Variants in CSMD3 observed in about 807,000 individuals in gnomAD.
The protein encoded by CSMD3 is CUB and Sushi multiple domains 3, also known as CUB and sushi domain-containing protein 3.
A neutral mutation model predicts 435.2 loss-of-function variants in CSMD3; 177 were observed. That is an observed-to-expected ratio of 0.41 (90% CI 0.36 to 0.46). The LOEUF is 0.46. CSMD3 is among the 20% of genes least tolerant of loss of function. The pLI, the probability that CSMD3 is intolerant of heterozygous loss-of-function variation, is 0.34. For missense variants in CSMD3, 4,265 were observed against 4,504.6 expected (o/e 0.95, Z 1.52); for synonymous variants, 1,656 against 1,520.5 (o/e 1.09, Z -2.07).
At chr8:113,427,217 A>G (rs2094640879) in intron 1 of CSMD3, among the ~76,000 whole-genome samples, 1 of 151,480 alleles carries the variant, frequency 6.6e-6, no homozygotes, top group Admixed American at 6.6e-5. Flanking sequence ...AGAAAATGTA[A>G]TGCTAAATTT....
At chr8:113,168,654 T>C (rs182617788) in intron 4 of CSMD3, among the ~76,000 whole-genome samples, 15 of 151,894 alleles carry the variant, frequency 9.9e-5, no homozygotes, top group African/African-American at 3.4e-4. Flanking sequence ...TATATTTTCA[T>C]TTTGGCGAAG....
intron 6 of CSMD3, among the ~76,000 whole-genome samples, chr8:112,989,170 G>T (rs967289998): frequency 6.6e-6 from 1 of 151,930 alleles, no homozygotes; most frequent in African/African-American, 2.4e-5. Flanking sequence ...AAAACAGCAG[G>T]TAGTGAAACA....
intron 9 of CSMD3, among the ~76,000 whole-genome samples, chr8:112,922,821 G>C (rs1051632435): frequency 6.6e-6 from 1 of 152,050 alleles, no homozygotes; most frequent in Non-Finnish European, 1.5e-5. Flanking sequence ...TAACCAAAGA[G>C]AGATTATATT....
chr8:112,662,877 A>G (rs2075421671), intron 17 of CSMD3, among the ~76,000 whole-genome samples: 1 of 152,200 alleles, frequency 6.6e-6, no homozygotes, highest in Non-Finnish European at 1.5e-5. Flanking sequence ...ATGAACAGAC[A>G]CTTCTCAAAA....
At chr8:113,295,649 T>C (rs1326085818) in intron 2 of CSMD3, among the ~76,000 whole-genome samples, 1 of 152,180 alleles carries the variant, frequency 6.6e-6, no homozygotes, top group East Asian at 1.9e-4. Flanking sequence ...CCTCGCACTT[T>C]GCAAGGCCCA....
intron 18 of CSMD3, among the ~76,000 whole-genome samples, chr8:112,651,465 T>C (rs969706229): frequency 5.9e-5 from 9 of 152,246 alleles, no homozygotes; most frequent in Middle Eastern, 3.4e-3. Context: ...GAGACAATTT[T>C]ATCTTCAACA....
At chr8:112,403,760 T>A (rs1001823716) in intron 35 of CSMD3, among the ~76,000 whole-genome samples, 1 of 151,820 alleles carries the variant, frequency 6.6e-6, no homozygotes, top group African/African-American at 2.4e-5. Context: ...CTGTGTGTGT[T>A]GTTGGGGGGC....
rs369432702 is a variant in CSMD3 at position 113,036,392 on chromosome 8, C to G, written c.918-17213G>C. ...TCTTTACCTTCATCACTAAATAAAA[C>G]TTTTATTCCTATATTCCTAGGAATA... On this transcript the variant is annotated intron_variant, in intron 5 of 70. Transcript: ENST00000297405. Among the ~76,000 whole-genome samples, 14 of 152,042 alleles carry G rather than the reference C, an allele frequency of 9.2e-5. No homozygotes were observed. The East Asian group carries it at 2.5e-3, about 27-fold the overall frequency.
chr8:112,293,059 G>T (rs1819930720), intron 54 of CSMD3, among the ~76,000 whole-genome samples: 1 of 151,896 alleles, frequency 6.6e-6, no homozygotes, highest in Non-Finnish European at 1.5e-5. Context: ...AGAAATCTGG[G>T]GAATAATTAA....
Position 112,301,974 on chromosome 8 carries a change from A to G in CSMD3, c.8267-8T>C, listed in dbSNP as rs369579535. 3.2e-6 allele frequency: 5 copies of G among 1,572,512 alleles called. No homozygotes were observed. The African/African-American group carries it at 4.1e-5, about 13-fold the overall frequency. On this transcript the variant is annotated splice_polypyrimidine_tract_variant and splice_region_variant and intron_variant, in intron 52 of 70. Transcript: ENST00000297405. The stretch of plus-strand genomic sequence containing the variant: ...GTTCTCCACAGGAAATAACTTTAAA[A>G]TGATAAATAAATAAAAATCCTTAAA...
intron 32 of CSMD3, among the ~76,000 whole-genome samples, chr8:112,425,230 A>G (rs1812947239): frequency 6.6e-6 from 1 of 152,336 alleles, no homozygotes; most frequent in South Asian, 2.1e-4. Context: ...GCTTTGTGAA[A>G]GAGTCATGTG....
At chr8:113,074,257 A>C (rs2089251700) in intron 5 of CSMD3, among the ~76,000 whole-genome samples, 1 of 151,568 alleles carries the variant, frequency 6.6e-6, no homozygotes, top group Admixed American at 6.6e-5. Flanking sequence ...CTTCATTCTC[A>C]CTGTTTCTCT....
At chr8:112,640,973 C>A (rs540621909) in intron 20 of CSMD3, among the ~76,000 whole-genome samples, 15 of 152,090 alleles carry the variant, frequency 9.9e-5, no homozygotes, top group African/African-American at 3.4e-4. Context: ...TTTAGAATTT[C>A]ATTAATTAAT....
At chr8:112,806,095 G>T (rs1016743255) in intron 12 of CSMD3, among the ~76,000 whole-genome samples, 5 of 148,368 alleles carry the variant, frequency 3.4e-5, no homozygotes, top group Admixed American at 1.4e-4. Context: ...CTATTTTGAG[G>T]ACTAGTAGAA....
At chr8:113,014,820 G>A (rs762334102) in intron 6 of CSMD3, among the ~76,000 whole-genome samples, 3 of 152,062 alleles carry the variant, frequency 2.0e-5, no homozygotes, top group African/African-American at 4.8e-5. Context: ...GTGTGCACAC[G>A]TGCTCATGCA....
chr8:113,308,124 T>C (rs2093836284), intron 2 of CSMD3, among the ~76,000 whole-genome samples: 1 of 152,094 alleles, frequency 6.6e-6, no homozygotes, highest in Non-Finnish European at 1.5e-5. Flanking sequence ...CTCAACATAT[T>C]ACAAAATTTT....
intron 32 of CSMD3, among the ~76,000 whole-genome samples, chr8:112,426,265 C>CA (rs1466426002): frequency 1.3e-5 from 2 of 151,734 alleles, no homozygotes; most frequent in Non-Finnish European, 2.9e-5. Context: ...AGGGTGAAAA[C>CA]TTTTTTTTAA....
At chr8:113,232,889 T>C (rs954367506) in intron 3 of CSMD3, among the ~76,000 whole-genome samples, 10 of 151,890 alleles carry the variant, frequency 6.6e-5, no homozygotes, top group African/African-American at 2.4e-4. Flanking sequence ...TGCGACAGAT[T>C]TAATGTTTCG....
At position 112,383,539 on chromosome 8, in the gene CSMD3, T is replaced by G. The variant is rs564738192; in HGVS notation, c.6031+28A>C. 1.8e-5 allele frequency: 22 copies of G among 1,203,492 alleles called. No homozygotes were observed. The South Asian group carries it at 2.4e-4, about 13-fold the overall frequency. 74.6% of individuals were successfully genotyped at this position (1,203,492 alleles called of 1,614,324 possible). ...TTTATATTCCTAATTATATCTGTAT[T>G]TTAATTAAGCTCAGCTCTCTTATTT... On this transcript the variant is annotated intron_variant, in intron 37 of 70. Transcript: ENST00000297405.
Sources: allele counts gnomAD v4.1 joint callset (sites outside exome capture counted in the v4.1 genomes callset), GRCh38; gene constraint gnomAD v4.1.1; transcripts MANE v1.5; gene names NCBI Gene and HGNC (gene_info 2026-07-23, HGNC 2026-07-21).